The following VAV3 variants were observed in gnomAD, a reference collection of about 807,000 sequenced individuals.
VAV3 encodes guanine nucleotide exchange factor VAV3.
Under a neutral mutation model 131.2 loss-of-function variants are expected in VAV3, and 94 were observed. That is an observed-to-expected ratio of 0.72 (90% confidence interval 0.61 to 0.85). VAV3 has a LOEUF of 0.85. Ranked by LOEUF, VAV3 falls within the 40% of genes least tolerant of loss-of-function variation. VAV3 has a pLI of 0.00. For synonymous variants in VAV3, 349 were observed against 342.0 expected, an observed-to-expected ratio of 1.02 and a Z score of -0.22; for missense variants, 939 against 1,002.7, an observed-to-expected ratio of 0.94 and a Z score of 0.86.
chr1:107,730,786 AATACC>A (rs1662190941), intron 15 of VAV3, among the ~76,000 whole-genome samples: 1 of 152,194 alleles, frequency 6.6e-6, no homozygotes, highest in Non-Finnish European at 1.5e-5. Flanking sequence ...GCTACACAGG[AATACC>A]TCTTGCTTAT....
At chr1:107,712,370 A>AGCTATC (rs1355624793) in intron 15 of VAV3, among the ~76,000 whole-genome samples, 1 of 152,190 alleles carries the variant, frequency 6.6e-6, no homozygotes, top group Non-Finnish European at 1.5e-5. Flanking sequence ...AAAGCTCATC[A>AGCTATC]GCTATCGTTA....
At chr1:107,606,557 T>C (rs938049383) in intron 22 of VAV3, among the ~76,000 whole-genome samples, 6 of 152,262 alleles carry the variant, frequency 3.9e-5, no homozygotes, top group African/African-American at 1.2e-4. Flanking sequence ...TTGAATGCTG[T>C]ATCCCCTGGG....
intron 1 of VAV3, among the ~76,000 whole-genome samples, chr1:107,926,956 CA>C (rs1673187151): frequency 6.6e-6 from 1 of 152,062 alleles, no homozygotes; most frequent in African/African-American, 2.4e-5. Flanking sequence ...CCTACTGAAA[CA>C]CCAGCTGGGC....
chr1:107,605,707 T>A (rs1652209982), intron 22 of VAV3, among the ~76,000 whole-genome samples: 1 of 152,178 alleles, frequency 6.6e-6, no homozygotes, highest in Non-Finnish European at 1.5e-5. Context: ...GCACAAAATT[T>A]AAAATATTAC....
chr1:107,850,221 G>A (rs536842981), intron 2 of VAV3, among the ~76,000 whole-genome samples: 70 of 152,270 alleles, frequency 4.6e-4, no homozygotes, highest in African/African-American at 1.6e-3. Context: ...CCATTACTGG[G>A]TATATACCCA....
rs938783918 is a variant in VAV3, at chr1:107,573,269, G to A, written c.*62C>T. 29 of 1,579,908 alleles carry A rather than the reference G, an allele frequency of 1.8e-5. 1 individual carries two copies. In the South Asian group the frequency reaches 2.4e-4, roughly 13 times the overall value. Reference sequence around the variant, plus strand: ...CACTTCAGTTAATTCACGATGCTGTGCAGGCTTCTATTTATCCCTTCTCTG... The same window carrying A: ...CACTTCAGTTAATTCACGATGCTGTACAGGCTTCTATTTATCCCTTCTCTG... On this transcript the variant is annotated 3_prime_UTR_variant, in exon 27 of 27. Coordinates refer to ENST00000370056, the MANE Select transcript of VAV3 (RefSeq NM_006113.5).
chr1:107,945,243 A>G (rs1179858848), intron 1 of VAV3, among the ~76,000 whole-genome samples: 1 of 152,220 alleles, frequency 6.6e-6, no homozygotes, highest in East Asian at 1.9e-4. Flanking sequence ...TATAAGAAAA[A>G]AACAAGATCT....
At chr1:107,882,862 A>G (rs1670849183) in intron 1 of VAV3, among the ~76,000 whole-genome samples, 1 of 152,198 alleles carries the variant, frequency 6.6e-6, no homozygotes, top group African/African-American at 2.4e-5. Context: ...TTAGGACTGC[A>G]CAATATGAAG....
intron 21 of VAV3, among the ~76,000 whole-genome samples, chr1:107,614,933 G>A (rs570569325): frequency 4.9e-4 from 75 of 152,222 alleles, no homozygotes; most frequent in African/African-American, 1.8e-3. Context: ...ATGTTAGAAT[G>A]TATAATATCC....
chr1:107,609,156 A>ATGT (rs1652525343), intron 22 of VAV3, among the ~76,000 whole-genome samples: 2 of 152,226 alleles, frequency 1.3e-5, no homozygotes, highest in East Asian at 3.8e-4. Flanking sequence ...AAAACAAAAC[A>ATGT]TGTACAGTAC....
chr1:107,595,098 G>C (rs911697663), intron 25 of VAV3, among the ~76,000 whole-genome samples: 7 of 152,050 alleles, frequency 4.6e-5, no homozygotes, highest in Non-Finnish European at 1.0e-4. Flanking sequence ...AAATAATCAG[G>C]TAATCTTGGG....
chr1:107,706,733 T>C (rs1660477648), intron 15 of VAV3, among the ~76,000 whole-genome samples: 1 of 152,238 alleles, frequency 6.6e-6, no homozygotes, highest in Non-Finnish European at 1.5e-5. Flanking sequence ...TTGGTTCATT[T>C]GTTTCTGAGC....
At chr1:107,858,190 A>C (rs1006367861) in intron 2 of VAV3, among the ~76,000 whole-genome samples, 6 of 152,194 alleles carry the variant, frequency 3.9e-5, no homozygotes, top group Admixed American at 1.3e-4. Flanking sequence ...ACTTAACTAC[A>C]AGAAAATTTC....
intron 19 of VAV3, among the ~76,000 whole-genome samples, chr1:107,675,668 T>A (rs1227170921): frequency 6.6e-6 from 1 of 152,178 alleles, no homozygotes; most frequent in African/African-American, 2.4e-5. Flanking sequence ...GACCTTTCCT[T>A]TAAGGATGGC....
At chr1:107,803,852 A>C (rs1413066415) in intron 2 of VAV3, among the ~76,000 whole-genome samples, 1 of 152,038 alleles carries the variant, frequency 6.6e-6, no homozygotes, top group Non-Finnish European at 1.5e-5. Context: ...TGGAGTGTTA[A>C]AGTCCATGAC....
chr1:107,755,340 G>A, intron 12 of VAV3, 87 bp downstream of exon 12: 1 of 1,041,626 alleles, frequency 9.6e-7, no homozygotes. Context: ...GAAACTTGAA[G>A]GTAAACTATG....
intron 17 of VAV3, among the ~76,000 whole-genome samples, chr1:107,693,043 G>T (rs549977836): frequency 2.0e-5 from 3 of 152,084 alleles, no homozygotes; most frequent in African/African-American, 7.2e-5. Flanking sequence ...AGACCTTCGC[G>T]GTGGTGTACT....
intron 22 of VAV3, among the ~76,000 whole-genome samples, chr1:107,608,651 G>A (rs1173023685): frequency 6.6e-6 from 1 of 152,206 alleles, no homozygotes; most frequent in Non-Finnish European, 1.5e-5. Flanking sequence ...AAGGCAGAGT[G>A]ACTGCCAGAG....
At chr1:107,802,506 T>C (rs1666873145) in intron 2 of VAV3, among the ~76,000 whole-genome samples, 1 of 152,128 alleles carries the variant, frequency 6.6e-6, no homozygotes, top group South Asian at 2.1e-4. Flanking sequence ...TTATTTGGAA[T>C]TATGTTCCTT....
Sources: gnomAD v4.1 joint callset for allele counts (sites outside exome capture counted in the v4.1 genomes callset) on GRCh38, gnomAD v4.1.1 for gene constraint, MANE v1.5 for transcripts, NCBI Gene and HGNC (gene_info 2026-07-23, HGNC 2026-07-21) for gene names.